PDE3A: variants seen among roughly 807,000 people sequenced by gnomAD.
The protein encoded by PDE3A is cGMP-inhibited 3',5'-cyclic phosphodiesterase 3A.
In PDE3A, 43 loss-of-function variants were observed where a neutral mutation model predicts 98.3. That is an observed-to-expected ratio of 0.44 (90% confidence interval 0.34 to 0.56). The LOEUF (loss-of-function observed/expected upper bound fraction) is 0.56. Ranked by LOEUF, PDE3A falls within the 20% of genes least tolerant of loss-of-function variation. The pLI is 0.01. For missense variants in PDE3A, 1,427 were observed against 1,440.7 expected, an observed-to-expected ratio of 0.99 and a Z score of 0.15; for synonymous variants, 663 against 567.9, an observed-to-expected ratio of 1.17 and a Z score of -2.38.
chr12:20,484,519 A>G (rs1293656347), intron 1 of PDE3A, among the ~76,000 whole-genome samples: 1 of 152,210 alleles, frequency 6.6e-6, no homozygotes, highest in East Asian at 1.9e-4. Flanking sequence ...TTCTCTGTAG[A>G]ACACAATGTG....
chr12:20,551,895 G>C, intron 1 of PDE3A: 5 of 1,613,528 alleles, frequency 3.1e-6, no homozygotes, highest in South Asian at 1.1e-5. Flanking sequence ...GACCCATCCC[G>C]GGGATCCCCG....
At position 20,475,169 on chromosome 12, in the gene PDE3A, ATGTGTGTGAGTG is replaced by A. The variant is rs1461116584; in HGVS notation, c.961-81482_961-81471del. 7.9e-4 allele frequency among the ~76,000 whole-genome samples: 76 copies of A among 96,508 alleles called. No individual in the cohort carries two copies. In the South Asian group the frequency reaches 0.012, roughly 16 times the overall value. The allele number at this position is 96,508 out of a possible 152,430, so 63.3% of individuals were successfully genotyped here. A position where few individuals can be genotyped will look rare whatever the true frequency, so the allele number is the denominator to read the frequency against. Reference sequence around the variant, plus strand: ...TATACCAAATGTAGGAGAGGAAAAAATGTGTGTGAGTGTGTGTGTGTGTGTGTGTGTGTGTGT... The same window carrying A: ...TATACCAAATGTAGGAGAGGAAAAAATGTGTGTGTGTGTGTGTGTGTGTGT... On this transcript the variant is annotated intron_variant, in intron 1 of 15. Transcript: ENST00000359062.
chr12:20,486,698 A>G (rs907430203), intron 1 of PDE3A, among the ~76,000 whole-genome samples: 1 of 152,088 alleles, frequency 6.6e-6, no homozygotes, highest in Non-Finnish European at 1.5e-5. Context: ...CAGTGGTGCA[A>G]TCTCAATCCA....
rs766734544 is a variant in PDE3A at position 20,369,725 on chromosome 12, C to A, written c.441C>A (p.Gly147=). Residue 147 remains glycine, a synonymous_variant, in exon 1 of 16, where the codon GGC becomes GGA. Transcript: ENST00000359062. ...FSLLCAFFWM[G]LYLLRAGVRL... ...TCCTGTGTGCCTTCTTCTGGATGGG[C>A]TTGTACCTCCTGCGCGCCGGGGTGC... The A allele has an allele frequency of 6.2e-7, 1 of 1,612,262 alleles. No individual in the cohort carries two copies. The highest frequency in any genetic ancestry group is 2.2e-5 in the East Asian group (1 of 44,752).
At chr12:20,594,153 T>C (rs1030756530) in intron 2 of PDE3A, among the ~76,000 whole-genome samples, 1 of 152,044 alleles carries the variant, frequency 6.6e-6, no homozygotes, top group African/African-American at 2.4e-5. Flanking sequence ...TAAAAAATGG[T>C]TAGCTCCTTA....
In PDE3A at chr12:20,680,247, A is replaced by G; in HGVS notation, c.3402A>G (p.Ile1134Met). The G allele has an allele frequency of 6.2e-7, 1 of 1,613,982 alleles. No individual in the cohort carries two copies. The highest frequency in any genetic ancestry group is 8.5e-7 in the Non-Finnish European group (1 of 1,179,912). The change falls in exon 16 of 16, where the codon ATA (isoleucine) becomes ATG (methionine). Residue 1134 changes from isoleucine to methionine, a missense_variant. Physicochemically the swap from Ile to Met is conservative, Grantham distance 10 (BLOSUM62 1). Coordinates refer to ENST00000359062, the MANE Select transcript of PDE3A (RefSeq NM_000921.5). ...EEKGKPRGEE[I>M]PTQKPDQ ...AAGGGAAACCAAGAGGCGAGGAGAT[A>G]CCAACCCAAAAGCCAGACCAGTGAC...
chr12:20,397,681 T>A (rs950237136), intron 1 of PDE3A, among the ~76,000 whole-genome samples: 13 of 151,918 alleles, frequency 8.6e-5, no homozygotes, highest in South Asian at 2.1e-4. Context: ...CATTTACTTT[T>A]AAAAAAAATA....
At chr12:20,651,130 C>T (rs1944905778) in intron 14 of PDE3A, among the ~76,000 whole-genome samples, 1 of 152,030 alleles carries the variant, frequency 6.6e-6, no homozygotes, top group Non-Finnish European at 1.5e-5. Context: ...TTAATAAGAG[C>T]ATTATGTGAA....
chr12:20,382,627 C>G (rs1398352967), intron 1 of PDE3A, among the ~76,000 whole-genome samples: 5 of 151,886 alleles, frequency 3.3e-5, no homozygotes, highest in Admixed American at 1.3e-4. Flanking sequence ...AGAATATATG[C>G]ACTCTCTAGA....
intron 9 of PDE3A, among the ~76,000 whole-genome samples, chr12:20,637,493 A>T (rs887190186): frequency 6.6e-6 from 1 of 151,384 alleles, no homozygotes; most frequent in African/African-American, 2.4e-5. Flanking sequence ...AGATATATAG[A>T]CAAGGGACAA....
chr12:20,557,690 A>C (rs560394294), intron 2 of PDE3A, among the ~76,000 whole-genome samples: 1 of 152,298 alleles, frequency 6.6e-6, no homozygotes, highest in African/African-American at 2.4e-5. Flanking sequence ...AGGAAAACAA[A>C]ACCAAGTCAA....
intron 1 of PDE3A, among the ~76,000 whole-genome samples, chr12:20,497,003 A>C (rs1945932281): frequency 6.6e-6 from 1 of 152,158 alleles, no homozygotes; most frequent in Non-Finnish European, 1.5e-5. Context: ...GTAGTATCTC[A>C]AAGTTTCAGC....
intron 1 of PDE3A, among the ~76,000 whole-genome samples, chr12:20,388,160 T>C (rs1011555107): frequency 3.9e-5 from 6 of 151,992 alleles, no homozygotes; most frequent in African/African-American, 1.2e-4. Context: ...AAATTGCACC[T>C]CCAGGTGCTT....
rs368805519 is a variant in PDE3A, at chr12:20,680,128, C to A, written c.3283C>A (p.Arg1095=). 1.2e-6 allele frequency: 2 copies of A among 1,613,534 alleles called. No homozygotes were observed. The highest frequency in any genetic ancestry group is 1.1e-5 in the South Asian group (1 of 91,084). ...MWKKVIEEEQ[R]LAGIENQSLD... ...GAAGAAAGTCATTGAAGAGGAGCAA[C>A]GGTTGGCAGGCATAGAAAATCAATC... Residue 1095 remains arginine (R), a synonymous_variant, in exon 16 of 16, where the codon CGG becomes AGG. Transcript: ENST00000359062.
chr12:20,616,449 A>G, intron 4 of PDE3A, 65 bp downstream of exon 4: 1 of 1,493,854 alleles, frequency 6.7e-7, no homozygotes, highest in South Asian at 1.2e-5. Context: ...ATGAGTTATA[A>G]ATTACAGGAG....
At chr12:20,376,541 T>G (rs775537118) in intron 1 of PDE3A, among the ~76,000 whole-genome samples, 3 of 151,964 alleles carry the variant, frequency 2.0e-5, no homozygotes, top group Non-Finnish European at 4.4e-5. Flanking sequence ...GTCACGTAAA[T>G]GAATATCAGT....
At chr12:20,454,952 T>C (rs995948653) in intron 1 of PDE3A, among the ~76,000 whole-genome samples, 6 of 152,358 alleles carry the variant, frequency 3.9e-5, no homozygotes, top group Admixed American at 3.9e-4. Context: ...TTTGTCTTTA[T>C]GACAGAACAG....
At chr12:20,548,884 CA>C (rs919796742) in intron 1 of PDE3A, among the ~76,000 whole-genome samples, 6 of 152,112 alleles carry the variant, frequency 3.9e-5, no homozygotes, top group Non-Finnish European at 7.4e-5. Context: ...GAAATAATAT[CA>C]ACATCATTTT....
chr12:20,552,351 C>G lies in PDE3A; in HGVS notation c.961-4309C>G, dbSNP rs534138732. On this transcript the variant is annotated intron_variant, in intron 1 of 15. Transcript: ENST00000359062. This position sits in a 1 kb window ranked among gnomAD's most constrained non-coding sequence, Gnocchi z 5.1. ...CCGAGAAGGGGAAGTCCGGGTTTCT[C>G]GTGTGGCGCTACCTTCTGCGGAGGG... 30 of 1,613,670 alleles carry G rather than the reference C, an allele frequency of 1.9e-5. No individual in the cohort carries two copies. The highest frequency in any genetic ancestry group is 1.7e-4 in the Admixed American group (10 of 59,980).
Sources: allele counts gnomAD v4.1 joint callset (sites outside exome capture counted in the v4.1 genomes callset), GRCh38; gene constraint gnomAD v4.1.1; non-coding constraint Gnocchi (gnomAD v3.1); transcripts MANE v1.5; gene names NCBI Gene and HGNC (gene_info 2026-07-23, HGNC 2026-07-21).